The following TDRKH variants were observed in gnomAD, a reference collection of about 807,000 sequenced individuals.
TDRKH encodes tudor and KH domain-containing protein.
TDRKH carries 28 observed loss-of-function variants against 61.3 expected under a neutral mutation model. The observed-to-expected ratio is 0.46, with a 90% CI of 0.34 to 0.63. The LOEUF (loss-of-function observed/expected upper bound fraction) is 0.63, where lower values mean the gene tolerates loss of function less well. TDRKH is among the 20% of genes least tolerant of loss of function. The pLI, the probability that TDRKH is intolerant of heterozygous loss-of-function variation, is 0.01. For synonymous variants in TDRKH, 219 were observed against 244.4 expected, an observed-to-expected ratio of 0.90 and a Z score of 0.97; for missense variants, 540 against 683.4, an observed-to-expected ratio of 0.79 and a Z score of 2.34.
Position 151,774,394 on chromosome 1 carries a change from A to G in TDRKH, c.*58T>C. ...TCATTACTTTCCTGTTGCTACAGAT[A>G]GATGATAGCTGCACTCACACAGCAA... On this transcript the variant is annotated 3_prime_UTR_variant, in exon 13 of 13. Coordinates refer to ENST00000368824, the MANE Select transcript of TDRKH (RefSeq NM_001083965.2). 1.3e-6 allele frequency: 2 copies of G among 1,581,534 alleles called. No individual in the cohort carries two copies. The highest frequency in any genetic ancestry group is 1.7e-6 in the Non-Finnish European group (2 of 1,155,320).
rs532551980 is a variant in TDRKH, at chr1:151,782,857, T to C, written c.124+42A>G. On this transcript the variant is annotated intron_variant, in intron 2 of 12. Coordinates refer to ENST00000368824, the MANE Select transcript of TDRKH (RefSeq NM_001083965.2). Reference sequence around the variant, plus strand: ...TTTTCAATTTAACAAGGCAGGAGCATGTCTGAACATTTTCACACACACAGT... The same window carrying C: ...TTTTCAATTTAACAAGGCAGGAGCACGTCTGAACATTTTCACACACACAGT... 4.9e-5 allele frequency: 74 copies of C among 1,519,974 alleles called. No homozygotes were observed. The East Asian group carries it at 1.8e-3, about 37-fold the overall frequency. The allele number at this position is 1,519,974 out of a possible 1,614,324, so 94.2% of individuals were successfully genotyped here. A position where few individuals can be genotyped will look rare whatever the true frequency, so the allele number is the denominator to read the frequency against.
chr1:151,779,819 C>T (rs1649571238), intron 4 of TDRKH, 132 bp downstream of exon 4: 6 of 899,348 alleles, frequency 6.7e-6, no homozygotes, highest in South Asian at 2.0e-5. Context: ...CAGTAAACCT[C>T]TGGTCTCAAT....
intron 9 of TDRKH, 91 bp downstream of exon 9, chr1:151,775,729 A>G: frequency 6.5e-7 from 1 of 1,533,830 alleles, no homozygotes; most frequent in South Asian, 1.2e-5. Flanking sequence ...CCAGAATTCA[A>G]AAAGCCTGGG....
chr1:151,772,183 T>G (rs945492537), downstream of TDRKH, among the ~76,000 whole-genome samples: 1 of 152,138 alleles, frequency 6.6e-6, no homozygotes, highest in African/African-American at 2.4e-5. Context: ...CACTGCACCC[T>G]CTGCTTCCCT....
At chr1:151,770,202 GAA>G (rs775312515), downstream of TDRKH, 1 of 1,613,920 alleles carries the variant, frequency 6.2e-7, no homozygotes, top group Non-Finnish European at 8.5e-7. Context: ...ACGTGGAAGA[GAA>G]GACAAATGTG....
chr1:151,772,080 T>G, downstream of TDRKH: 1 of 397,398 alleles, frequency 2.5e-6, no homozygotes, highest in Non-Finnish European at 4.4e-6. Context: ...GCCTTTCTGC[T>G]AATTGGGACT....
At chr1:151,782,749 G>T in intron 2 of TDRKH, 150 bp downstream of exon 2, 2 of 998,076 alleles carry the variant, frequency 2.0e-6, no homozygotes, top group Non-Finnish European at 2.7e-6. Flanking sequence ...CAGGCTAGGT[G>T]ACAGAGTGAG....
intron 3 of TDRKH, among the ~76,000 whole-genome samples, 153 bp downstream of exon 3, chr1:151,781,328 A>ATATATATATATATATATAT (rs1553282748): frequency 1.0e-4 from 7 of 68,598 alleles, no homozygotes; most frequent in Non-Finnish European, 1.7e-4. Context: ...AAAAAAAAAA[A>ATATATATATATATATATAT]ATATATATAT....
At chr1:151,772,351 CA>C (rs1485962747), downstream of TDRKH, among the ~76,000 whole-genome samples, 1 of 152,052 alleles carries the variant, frequency 6.6e-6, no homozygotes, top group African/African-American at 2.4e-5. Context: ...CTCGGCCTCC[CA>C]AAGTGTTGGG....
At chr1:151,773,355 A>C (rs772800136), downstream of TDRKH, 7 of 152,750 alleles carry the variant, frequency 4.6e-5, no homozygotes, top group Non-Finnish European at 8.8e-5. Flanking sequence ...CTTTAGAGAA[A>C]GAATATGAAT....
chr1:151,781,079 G>A (rs1649713196), intron 3 of TDRKH, among the ~76,000 whole-genome samples: 1 of 151,552 alleles, frequency 6.6e-6, no homozygotes, highest in Non-Finnish European at 1.5e-5. Context: ...ACTCTGGGAG[G>A]CCGAGGCAGG....
chr1:151,769,847 C>G (rs1393808452), downstream of TDRKH, among the ~76,000 whole-genome samples: 1 of 152,244 alleles, frequency 6.6e-6, no homozygotes, highest in Non-Finnish European at 1.5e-5. Context: ...CCGAGGCTGG[C>G]AGATCACTCG....
intron 1 of TDRKH, 26 bp from the exon 2 acceptor site, chr1:151,783,075 A>G: frequency 6.3e-7 from 1 of 1,592,126 alleles, no homozygotes; most frequent in Non-Finnish European, 8.5e-7. Context: ...CAGGGAAAAG[A>G]GGGAGGTTTC....
At position 151,780,069 on chromosome 1, in the gene TDRKH, G is replaced by A. The variant is rs1649601700; in HGVS notation, c.303C>T (p.Ile101=). The A allele has an allele frequency of 6.2e-7, 1 of 1,614,036 alleles. No individual in the cohort carries two copies. Among genetic ancestry groups the A allele is most frequent in the Non-Finnish European group, 8.5e-7 (1 of 1,180,024 alleles). ...TGCACACCTGAACAGGAAAACCACT[G>A]ATAAGCAGCACTCGCTCATCGCCTA... is the stretch of plus-strand genomic sequence containing the variant. ...EDVGDERVLL[I]SGFPVQVCKA... Residue 101 remains isoleucine, a synonymous_variant, in exon 4 of 13, where the codon ATC becomes ATT. Transcript: ENST00000368824.
chr1:151,779,652 G>A, intron 4 of TDRKH: 1 of 381,278 alleles, frequency 2.6e-6, no homozygotes, highest in Non-Finnish European at 4.7e-6. Flanking sequence ...TGTCTTGAAA[G>A]ACTTGAGATA....
At chr1:151,787,806 T>TAAA (rs1380990038) in intron 1 of TDRKH, among the ~76,000 whole-genome samples, 3 of 50,818 alleles carry the variant, frequency 5.9e-5, no homozygotes, top group African/African-American at 2.9e-4. Flanking sequence ...ACTCTGTTTC[T>TAAA]ACAAAAAAAA....
chr1:151,774,372 TTACTTTC>T lies in TDRKH; in HGVS notation c.*73_*79del. ...AGCAAGTGCCCCACTGTCGCCCTCA[TTACTTTC>T]CTGTTGCTACAGATAGATGATAGCT... On this transcript the variant is annotated 3_prime_UTR_variant, in exon 13 of 13. Coordinates refer to ENST00000368824, the MANE Select transcript of TDRKH (RefSeq NM_001083965.2). The T allele has an allele frequency of 6.6e-7, 1 of 1,513,208 alleles. No individual in the cohort carries two copies. Among genetic ancestry groups the T allele is most frequent in the Non-Finnish European group, 9.1e-7 (1 of 1,099,228 alleles). The allele number at this position is 1,513,208 out of a possible 1,614,324, so 93.7% of individuals were successfully genotyped here. A position where few individuals can be genotyped will look rare whatever the true frequency, so the allele number is the denominator to read the frequency against.
intron 5 of TDRKH, 37 bp downstream of exon 5, chr1:151,779,066 C>T (rs1272875297): frequency 1.9e-6 from 3 of 1,612,724 alleles, no homozygotes; most frequent in Admixed American, 1.7e-5. Flanking sequence ...AGGATCTTCT[C>T]ATGCTCAGGT....
intron 12 of TDRKH, 24 bp from the exon 13 acceptor site, chr1:151,774,528 G>C (rs760372877): frequency 6.2e-7 from 1 of 1,613,902 alleles, no homozygotes; most frequent in Non-Finnish European, 8.5e-7. Flanking sequence ...ATAAGAAGGA[G>C]AAAGTTAGAC....
Sources: allele counts gnomAD v4.1 joint callset (sites outside exome capture counted in the v4.1 genomes callset), GRCh38; gene constraint gnomAD v4.1.1; transcripts MANE v1.5; gene names NCBI Gene and HGNC (gene_info 2026-07-23, HGNC 2026-07-21).